The following LNP1 variants were observed in gnomAD, a reference collection of about 807,000 sequenced individuals.
LNP1 encodes leukemia NUP98 fusion partner 1.
A neutral mutation model predicts 14.5 loss-of-function variants in LNP1; 12 were observed. The observed-to-expected ratio is 0.83, with a 90% CI of 0.53 to 1.34. The LOEUF (loss-of-function observed/expected upper bound fraction) is 1.34. Ranked by LOEUF, LNP1 falls within the 40% of genes most tolerant of loss-of-function variation. The pLI, the probability that LNP1 is intolerant of heterozygous loss-of-function variation, is 0.00. For synonymous variants in LNP1, 75 were observed against 71.4 expected (o/e 1.05, Z -0.26); for missense variants, 198 against 210.9 (o/e 0.94, Z 0.38).
chr3:100,420,091 C>T (rs1401462346), intron 1 of LNP1, among the ~76,000 whole-genome samples: 1 of 152,124 alleles, frequency 6.6e-6, no homozygotes, highest in Non-Finnish European at 1.5e-5. Context: ...AGTAATATTG[C>T]ATTCTGATTT....
At chr3:100,432,322 T>C (rs28631346) in intron 2 of LNP1, among the ~76,000 whole-genome samples, 5,708 of 152,044 alleles carry the variant, frequency 0.038, 390 homozygotes, top group East Asian at 0.31. Flanking sequence ...TAGTTTCTAA[T>C]ACATCTTCAT....
intron 2 of LNP1, among the ~76,000 whole-genome samples, chr3:100,434,431 G>A (rs1226057621): frequency 6.6e-6 from 1 of 151,816 alleles, no homozygotes; most frequent in Non-Finnish European, 1.5e-5. Context: ...CTATGTCTCT[G>A]TTTTGGTACC....
intron 2 of LNP1, among the ~76,000 whole-genome samples, chr3:100,443,372 T>C (rs970406072): frequency 4.6e-5 from 7 of 152,352 alleles, no homozygotes; most frequent in African/African-American, 7.2e-5. Flanking sequence ...AGACAAATCA[T>C]GGTAGGACTG....
intron 1 of LNP1, among the ~76,000 whole-genome samples, chr3:100,424,032 T>A (rs1707170230): frequency 6.6e-6 from 1 of 152,208 alleles, no homozygotes; most frequent in Non-Finnish European, 1.5e-5. Flanking sequence ...GCCCCATGTT[T>A]GTTTTAAGAA....
intron 2 of LNP1, among the ~76,000 whole-genome samples, chr3:100,440,957 G>A (rs1707338361): frequency 6.6e-6 from 1 of 152,232 alleles, no homozygotes; most frequent in African/African-American, 2.4e-5. Context: ...AGATGAGGGA[G>A]TAGGGTTGTG....
intron 1 of LNP1, among the ~76,000 whole-genome samples, chr3:100,412,230 T>C (rs1218857559): frequency 6.6e-6 from 1 of 152,202 alleles, no homozygotes. Context: ...ATAACCCACT[T>C]TCTTAGGAAC....
chr3:100,450,983 G>C (rs1429657833), intron 2 of LNP1, among the ~76,000 whole-genome samples: 2 of 152,176 alleles, frequency 1.3e-5, no homozygotes, highest in African/African-American at 2.4e-5. Flanking sequence ...TCTGGAGGGG[G>C]TGGTCTCAGA....
At chr3:100,429,504 G>A (rs1012165479) in intron 1 of LNP1, among the ~76,000 whole-genome samples, 193 bp from the exon 2 acceptor site, 3 of 152,148 alleles carry the variant, frequency 2.0e-5, no homozygotes, top group Non-Finnish European at 4.4e-5. Flanking sequence ...GGGGAATGTG[G>A]GCTGCACAAT....
chr3:100,434,207 T>G (rs1028763611), intron 2 of LNP1, among the ~76,000 whole-genome samples: 2 of 152,234 alleles, frequency 1.3e-5, no homozygotes, highest in Admixed American at 6.5e-5. Flanking sequence ...GGGATTTACA[T>G]TTAAGTCTTT....
Position 100,429,813 on chromosome 3 carries a change from G to A in LNP1, c.84G>A (p.Glu28=), listed in dbSNP as rs1322193843. ...SSFWGHSWRE[E]DQRGLRERHR... ...TCTGGGGCCACAGCTGGAGAGAGGA[G>A]GATCAGAGAGGACTCCGGGAACGCC... Residue 28 remains glutamate (E), a synonymous_variant, in exon 2 of 4, where the codon GAG becomes GAA. Transcript: ENST00000383693. 1.9e-6 allele frequency: 3 copies of A among 1,613,932 alleles called. No individual in the cohort carries two copies. The highest frequency in any genetic ancestry group is 2.5e-6 in the Non-Finnish European group (3 of 1,179,952).
intron 1 of LNP1, among the ~76,000 whole-genome samples, chr3:100,413,690 C>T (rs374747473): frequency 1.3e-5 from 2 of 152,180 alleles, no homozygotes; most frequent in South Asian, 2.1e-4. Context: ...AATGCTGGGG[C>T]GAGTGGGTGT....
intron 1 of LNP1, among the ~76,000 whole-genome samples, chr3:100,404,791 CTTTTT>C (rs5851207): frequency 7.6e-6 from 1 of 131,288 alleles, no homozygotes. Flanking sequence ...TTGTGTTATC[CTTTTT>C]TTTTTTTTTT....
intron 1 of LNP1, among the ~76,000 whole-genome samples, chr3:100,426,505 G>A (rs181923388): frequency 9.2e-5 from 14 of 152,258 alleles, no homozygotes; most frequent in Admixed American, 6.5e-4. Context: ...CTGTTTACAC[G>A]GTCAGATTTA....
chr3:100,442,919 T>G (rs772189753), intron 2 of LNP1, among the ~76,000 whole-genome samples: 2 of 152,134 alleles, frequency 1.3e-5, no homozygotes, highest in Non-Finnish European at 2.9e-5. Context: ...TAGCAAGTTG[T>G]GAAGTCTCAT....
Position 100,456,027 on chromosome 3 carries a change from G to A in LNP1, c.*101G>A. 1 of 1,325,006 alleles carries A rather than the reference G, an allele frequency of 7.5e-7. No homozygotes were observed. The highest frequency in any genetic ancestry group is 1.0e-6 in the Non-Finnish European group (1 of 961,650). The allele number at this position is 1,325,006 out of a possible 1,614,324, so 82.1% of individuals were successfully genotyped here. On this transcript the variant is annotated 3_prime_UTR_variant, in exon 4 of 4. Coordinates refer to ENST00000383693, the MANE Select transcript of LNP1 (RefSeq NM_001085451.2). Reference sequence around the variant, plus strand: ...GATGTGGATGGGGGCGGGGTTGGGGGTAAAAACAGCTATAAAAAGCAACTG... The same window carrying A: ...GATGTGGATGGGGGCGGGGTTGGGGATAAAAACAGCTATAAAAAGCAACTG...
intron 3 of LNP1, among the ~76,000 whole-genome samples, chr3:100,454,433 T>G (rs1707489517): frequency 6.6e-6 from 1 of 152,204 alleles, no homozygotes; most frequent in Non-Finnish European, 1.5e-5. Context: ...GAAAGTGTTC[T>G]TTTTCAGTAA....
At chr3:100,412,206 A>C (rs1169505138) in intron 1 of LNP1, among the ~76,000 whole-genome samples, 4 of 152,210 alleles carry the variant, frequency 2.6e-5, no homozygotes, top group Non-Finnish European at 5.9e-5. Context: ...CCAAACGAGA[A>C]ACCTTGCTTT....
At chr3:100,426,064 C>T (rs1429501109) in intron 1 of LNP1, among the ~76,000 whole-genome samples, 1 of 152,202 alleles carries the variant, frequency 6.6e-6, no homozygotes, top group African/African-American at 2.4e-5. Context: ...GGAGGGGTCC[C>T]ACTCTCTGTG....
intron 2 of LNP1, among the ~76,000 whole-genome samples, chr3:100,442,683 G>A (rs1328790459): frequency 2.0e-5 from 3 of 152,156 alleles, no homozygotes; most frequent in African/African-American, 7.2e-5. Flanking sequence ...GAGGCAGGTT[G>A]GCCCTAAGCT....
Sources: allele counts gnomAD v4.1 joint callset (sites outside exome capture counted in the v4.1 genomes callset), GRCh38; gene constraint gnomAD v4.1.1; transcripts MANE v1.5; gene names NCBI Gene and HGNC (gene_info 2026-07-23, HGNC 2026-07-21).